RBMS1: variants seen among roughly 807,000 people sequenced by gnomAD.
The protein encoded by RBMS1 is RNA-binding motif, single-stranded-interacting protein 1.
RBMS1 carries 17 observed loss-of-function variants against 62.3 expected under a neutral mutation model. That is an observed-to-expected ratio of 0.27 (90% CI 0.19 to 0.41). The LOEUF (loss-of-function observed/expected upper bound fraction) is 0.41. RBMS1 is among the 10% of genes least tolerant of loss of function. The pLI, the probability that RBMS1 is intolerant of heterozygous loss-of-function variation, is 1.00. For missense variants in RBMS1, 334 were observed against 504.5 expected, an observed-to-expected ratio of 0.66 and a Z score of 3.24; for synonymous variants, 172 against 170.0, an observed-to-expected ratio of 1.01 and a Z score of -0.09.
intron 1 of RBMS1, among the ~76,000 whole-genome samples, chr2:160,466,641 T>G (rs1574095276): frequency 6.6e-6 from 1 of 152,240 alleles, no homozygotes; most frequent in Non-Finnish European, 1.5e-5. Context: ...CCCACACCTA[T>G]GATGCCATCG....
intron 5 of RBMS1, among the ~76,000 whole-genome samples, chr2:160,301,566 G>C (rs1326553218): frequency 6.6e-6 from 1 of 152,136 alleles, no homozygotes; most frequent in Non-Finnish European, 1.5e-5. Context: ...TCTGTTTTCA[G>C]AACACCCACA....
chr2:160,323,620 A>AAC (rs1573858985), intron 2 of RBMS1, among the ~76,000 whole-genome samples: 2 of 151,638 alleles, frequency 1.3e-5, no homozygotes, highest in East Asian at 1.9e-4. Flanking sequence ...AAGAAAAAAA[A>AAC]AAAAAAAAAA....
At chr2:160,300,260 A>C (rs1574239768) in intron 6 of RBMS1, among the ~76,000 whole-genome samples, 1 of 152,286 alleles carries the variant, frequency 6.6e-6, no homozygotes, top group Admixed American at 6.5e-5. Flanking sequence ...AAAGTGGCTA[A>C]AGTGGAGTGG....
intron 1 of RBMS1, among the ~76,000 whole-genome samples, chr2:160,402,262 T>TA (rs1463591089): frequency 6.6e-6 from 1 of 152,112 alleles, no homozygotes; most frequent in East Asian, 1.9e-4. Flanking sequence ...TTCAATTAGG[T>TA]AGAGTGCAGG....
chr2:160,402,040 G>C (rs190287161), intron 1 of RBMS1: 1 of 152,106 alleles, frequency 6.6e-6, no homozygotes. Flanking sequence ...ATTCTTAGGC[G>C]ACTGTGTCAA....
chr2:160,493,424 G>C lies in RBMS1; in HGVS notation c.-61C>G, dbSNP rs2105373317. 2 of 1,530,462 alleles carry C rather than the reference G, an allele frequency of 1.3e-6. No homozygotes were observed. The highest frequency in any genetic ancestry group is 4.5e-5 in the East Asian group (2 of 44,182). 94.8% of individuals were successfully genotyped at this position (1,530,462 alleles called of 1,614,324 possible). A position where few individuals can be genotyped will look rare whatever the true frequency, so the allele number is the denominator to read the frequency against. ...ACACTTTGGGGTTTCCAAGTCTCGG[G>C]CTCTCCTGCCTCTCCCTTTCCGGCG... On this transcript the variant is annotated 5_prime_UTR_variant, in exon 1 of 14. Coordinates refer to ENST00000348849, the MANE Select transcript of RBMS1 (RefSeq NM_016836.4).
intron 2 of RBMS1, among the ~76,000 whole-genome samples, chr2:160,339,521 T>G (rs1326343186): frequency 6.6e-6 from 1 of 152,172 alleles, no homozygotes; most frequent in Non-Finnish European, 1.5e-5. Flanking sequence ...AAAGCATCTG[T>G]AAATTAATTT....
In RBMS1 at chr2:160,398,551, G is replaced by A. The variant is rs148628814; in HGVS notation, c.76-31160C>T. Among the ~76,000 whole-genome samples the A allele has an allele frequency of 3.0e-4, 45 of 152,262 alleles. No homozygotes were observed. In the East Asian group the frequency reaches 3.9e-3, roughly 13 times the overall value. On this transcript the variant is annotated intron_variant, in intron 1 of 13. Coordinates refer to ENST00000348849, the MANE Select transcript of RBMS1 (RefSeq NM_016836.4). ...GGTGTGTGATTAGCCATTTAGGCTGGACGATTCTTCCTTATGAGAAACTGA... is the reference window on the plus strand; with the variant it reads ...GGTGTGTGATTAGCCATTTAGGCTGAACGATTCTTCCTTATGAGAAACTGA...
At chr2:160,429,047 A>C (rs1682773932) in intron 1 of RBMS1, among the ~76,000 whole-genome samples, 1 of 152,230 alleles carries the variant, frequency 6.6e-6, no homozygotes, top group Non-Finnish European at 1.5e-5. Flanking sequence ...AGATTGTTTC[A>C]ATTAAATACA....
chr2:160,308,346 A>G (rs1267443065), intron 4 of RBMS1, among the ~76,000 whole-genome samples: 14 of 152,088 alleles, frequency 9.2e-5, no homozygotes, highest in Non-Finnish European at 4.4e-5. Context: ...CAGTGAGCCG[A>G]TATCACCCCA....
intron 7 of RBMS1, among the ~76,000 whole-genome samples, chr2:160,285,446 C>T (rs897420544): frequency 6.6e-6 from 1 of 152,118 alleles, no homozygotes; most frequent in African/African-American, 2.4e-5. Context: ...ATCTCTCTAG[C>T]ATACTAGCTA....
chr2:160,425,514 A>AG (rs1304457051), intron 1 of RBMS1, among the ~76,000 whole-genome samples: 3 of 152,284 alleles, frequency 2.0e-5, no homozygotes, highest in African/African-American at 7.2e-5. Context: ...AAGGTAGCTG[A>AG]GGGGCCATGA....
chr2:160,326,497 A>G (rs1461315013), intron 2 of RBMS1, among the ~76,000 whole-genome samples: 1 of 152,176 alleles, frequency 6.6e-6, no homozygotes, highest in African/African-American at 2.4e-5. Context: ...ATGCAAACCT[A>G]TGTAGTGAGT....
At chr2:160,346,346 G>GC (rs1692172755) in intron 2 of RBMS1, among the ~76,000 whole-genome samples, 1 of 152,134 alleles carries the variant, frequency 6.6e-6, no homozygotes. Flanking sequence ...GCTGCATGGG[G>GC]CCCTGGGGCA....
At chr2:160,376,000 T>C (rs964445208) in intron 1 of RBMS1, among the ~76,000 whole-genome samples, 4 of 152,034 alleles carry the variant, frequency 2.6e-5, no homozygotes, top group African/African-American at 9.7e-5. Context: ...CTCACCCCAG[T>C]AGATTTAGGA....
At chr2:160,284,659 G>C in intron 9 of RBMS1, 116 bp downstream of exon 9, 1 of 825,948 alleles carries the variant, frequency 1.2e-6, no homozygotes, top group Non-Finnish European at 2.1e-6. Context: ...TATCCAAGCT[G>C]CATAATATTT....
chr2:160,363,498 A>C (rs979827793), intron 2 of RBMS1, among the ~76,000 whole-genome samples: 1 of 152,020 alleles, frequency 6.6e-6, no homozygotes, highest in Non-Finnish European at 1.5e-5. Context: ...GTAGTAGAGG[A>C]GCAAATGGTT....
At chr2:160,343,874 A>C (rs1390892743) in intron 2 of RBMS1, among the ~76,000 whole-genome samples, 1 of 152,222 alleles carries the variant, frequency 6.6e-6, no homozygotes, top group African/African-American at 2.4e-5. Flanking sequence ...AACATGAGCT[A>C]CAAGAAACTG....
At chr2:160,310,227 G>T (rs1689772374) in intron 4 of RBMS1, among the ~76,000 whole-genome samples, 1 of 152,166 alleles carries the variant, frequency 6.6e-6, no homozygotes, top group African/African-American at 2.4e-5. Flanking sequence ...ATCTGTCTCT[G>T]TATGTGTGTG....
Sources: gnomAD v4.1 joint callset for allele counts (sites outside exome capture counted in the v4.1 genomes callset) on GRCh38, gnomAD v4.1.1 for gene constraint, MANE v1.5 for transcripts, NCBI Gene and HGNC (gene_info 2026-07-23, HGNC 2026-07-21) for gene names.